The following SLC5A11 variants were observed in gnomAD, a reference collection of about 807,000 sequenced individuals.
The protein encoded by SLC5A11 is sodium/myo-inositol cotransporter 2.
A neutral mutation model predicts 69.8 loss-of-function variants in SLC5A11; 48 were observed. The ratio of observed to expected loss-of-function variants is 0.69; its 90% CI spans 0.55 to 0.87. The LOEUF (loss-of-function observed/expected upper bound fraction) is 0.87. Ranked by LOEUF, SLC5A11 falls within the 40% of genes least tolerant of loss-of-function variation. SLC5A11 has a pLI of 0.00. For missense variants in SLC5A11, 784 were observed against 866.1 expected (o/e 0.91, Z 1.19); for synonymous variants, 319 against 342.4 (o/e 0.93, Z 0.75).
intron 3 of SLC5A11, among the ~76,000 whole-genome samples, chr16:24,866,175 T>C (rs1408817746): frequency 6.6e-6 from 1 of 150,598 alleles, no homozygotes; most frequent in Non-Finnish European, 1.5e-5. Flanking sequence ...ATATGGCATA[T>C]GTAAATTCTA....
At chr16:24,872,112 C>T in intron 4 of SLC5A11, 48 bp from the exon 6 acceptor site, 1 of 1,612,424 alleles carries the variant, frequency 6.2e-7, no homozygotes, top group Non-Finnish European at 8.5e-7. Context: ...CAAATGGGTA[C>T]CTTGTTGTGA....
intron 10 of SLC5A11, 128 bp downstream of exon 11, chr16:24,898,237 A>T (rs1413002288): frequency 4.0e-6 from 5 of 1,263,544 alleles, no homozygotes; most frequent in Admixed American, 2.6e-5. Context: ...TCTAAGACAG[A>T]GTCTCATTCT....
At chr16:24,860,283 T>C (rs2059709749) in intron 2 of SLC5A11, among the ~76,000 whole-genome samples, 1 of 151,580 alleles carries the variant, frequency 6.6e-6, no homozygotes, top group South Asian at 2.1e-4. Flanking sequence ...TGAGATTCCA[T>C]CTCAAAAAAT....
At chr16:24,904,913 A>G (rs2049904305) in intron 10 of SLC5A11, among the ~76,000 whole-genome samples, 1 of 151,946 alleles carries the variant, frequency 6.6e-6, no homozygotes, top group African/African-American at 2.4e-5. Flanking sequence ...TGCATTAGGT[A>G]TTTGTCCTAA....
intron 9 of SLC5A11, 81 bp downstream of exon 10, chr16:24,891,155 C>T (rs74655530): frequency 7.3e-7 from 1 of 1,373,498 alleles, no homozygotes; most frequent in Non-Finnish European, 1.0e-6. Context: ...CTTTTTTCTT[C>T]CTCCATCTCT....
At chr16:24,858,843 G>A in intron 2 of SLC5A11, 65 bp downstream of exon 3, 2 of 1,535,120 alleles carry the variant, frequency 1.3e-6, no homozygotes. Flanking sequence ...GAGGTCCGGA[G>A]TTAACCTCAT....
At chr16:24,907,913 G>A in intron 12 of SLC5A11, 50 bp from the exon 14 acceptor site, 1 of 1,570,016 alleles carries the variant, frequency 6.4e-7, no homozygotes, top group Non-Finnish European at 8.6e-7. Context: ...AGGGAAAGAG[G>A]AGTAAATGTT....
chr16:24,881,598 A>AT (rs1174411033), intron 7 of SLC5A11, among the ~76,000 whole-genome samples: 8 of 152,028 alleles, frequency 5.3e-5, no homozygotes, highest in Non-Finnish European at 8.8e-5. Flanking sequence ...TGTGATTTGC[A>AT]TTTTTCTGAT....
chr16:24,910,436 A>C, exon 15 of SLC5A11: 1 of 1,614,120 alleles, frequency 6.2e-7, no homozygotes, highest in Middle Eastern at 1.7e-4. Context: ...AGCAGCGTCC[A>C]GTTCGAGATG....
intron 7 of SLC5A11, among the ~76,000 whole-genome samples, chr16:24,881,107 G>A (rs981221803): frequency 2.0e-5 from 3 of 151,792 alleles, no homozygotes; most frequent in Admixed American, 2.0e-4. Flanking sequence ...CTGGGAGGCT[G>A]AGGGAGGAGA....
At chr16:24,876,204 GA>G (rs1162639357) in intron 6 of SLC5A11, among the ~76,000 whole-genome samples, 1,181 of 111,556 alleles carry the variant, frequency 0.011, 16 homozygotes, top group East Asian at 0.042. Flanking sequence ...TCAAAAAAAA[GA>G]AAAAAAAAAA....
chr16:24,848,676 G>A (rs1365768704), intron 1 of SLC5A11, among the ~76,000 whole-genome samples: 1 of 152,166 alleles, frequency 6.6e-6, no homozygotes, highest in Non-Finnish European at 1.5e-5. Context: ...GGAGACGGAG[G>A]TGGGAGGATC....
rs2059630967 is a variant in SLC5A11, at chr16:24,858,617, C to G, written c.-24-3C>G. 6.3e-7 allele frequency: 1 copy of G among 1,585,590 alleles called. No individual in the cohort carries two copies. Among genetic ancestry groups the G allele is most frequent in the East Asian group, 2.3e-5 (1 of 44,312 alleles). On this transcript the variant is annotated splice_polypyrimidine_tract_variant and splice_region_variant and intron_variant, in intron 1 of 15. Transcript: ENST00000347898. ...CATTTGACTGGCATTTGCCCTTCCT[C>G]AGGATCCAGAGGTCTCGTTCAGGAC...
At chr16:24,862,991 TA>T (rs2046687141) in intron 3 of SLC5A11, among the ~76,000 whole-genome samples, 1 of 140,198 alleles carries the variant, frequency 7.1e-6, no homozygotes, top group Admixed American at 7.6e-5. Context: ...ATATAATATA[TA>T]ATCATATATT....
At chr16:24,854,397 C>T (rs1386857552) in intron 1 of SLC5A11, among the ~76,000 whole-genome samples, 1 of 152,038 alleles carries the variant, frequency 6.6e-6, no homozygotes, top group African/African-American at 2.4e-5. Context: ...ACGACTTAAA[C>T]TCTCAGAGCC....
chr16:24,898,254 C>T (rs1479037679), intron 10 of SLC5A11, 145 bp downstream of exon 11: 4 of 1,142,510 alleles, frequency 3.5e-6, no homozygotes, highest in African/African-American at 1.6e-5. Context: ...TTCTGTCATT[C>T]AGGTTGGAGT....
At chr16:24,853,882 C>T (rs895026760) in intron 1 of SLC5A11, among the ~76,000 whole-genome samples, 6 of 152,336 alleles carry the variant, frequency 3.9e-5, no homozygotes, top group African/African-American at 7.2e-5. Context: ...GAGGGTGGAG[C>T]GCATGGAGGG....
intron 8 of SLC5A11, among the ~76,000 whole-genome samples, chr16:24,887,141 T>A (rs1264499435): frequency 1.3e-5 from 2 of 152,144 alleles, no homozygotes; most frequent in Non-Finnish European, 2.9e-5. Context: ...CCAGCCAAGT[T>A]CTCTGTTTGC....
Position 24,898,128 on chromosome 16 carries a change from G to A in SLC5A11, c.1006+19G>A, listed in dbSNP as rs754919528. ...TTCCCAGGTGAGAACACAGCTGGGG[G>A]AAGAGGTCATTGGTATGTGAGTCTC... On this transcript the variant is annotated intron_variant, in intron 10 of 15. Coordinates refer to ENST00000347898, the Ensembl canonical transcript of SLC5A11. 3.7e-6 allele frequency: 6 copies of A among 1,612,472 alleles called. No individual in the cohort carries two copies. Among genetic ancestry groups the A allele is most frequent in the Non-Finnish European group, 5.1e-6 (6 of 1,179,596 alleles).
Sources: allele counts gnomAD v4.1 joint callset (sites outside exome capture counted in the v4.1 genomes callset), GRCh38; gene constraint gnomAD v4.1.1; transcripts MANE v1.5; gene names NCBI Gene and HGNC (gene_info 2026-07-23, HGNC 2026-07-21).